STK38: variants seen among roughly 807,000 people sequenced by gnomAD.
The protein encoded by STK38 is serine/threonine-protein kinase 38.
In STK38, 26 loss-of-function variants were observed where a neutral mutation model predicts 59.0. The observed-to-expected ratio is 0.44, with a 90% CI of 0.32 to 0.61. The LOEUF (loss-of-function observed/expected upper bound fraction) is 0.61. STK38 is among the 20% of genes least tolerant of loss of function. The pLI is 0.04. For missense variants in STK38, 433 were observed against 566.0 expected (o/e 0.76, Z 2.38); for synonymous variants, 175 against 176.6 (o/e 0.99, Z 0.07).
intron 2 of STK38, among the ~76,000 whole-genome samples, chr6:36,539,317 C>G (rs1046067744): frequency 2.7e-5 from 4 of 150,728 alleles, no homozygotes; most frequent in African/African-American, 7.3e-5. Flanking sequence ...ACCCAGGAGG[C>G]AGAGGCTGCA....
intron 2 of STK38, among the ~76,000 whole-genome samples, chr6:36,529,845 T>C (rs1777624155): frequency 6.6e-6 from 1 of 152,184 alleles, no homozygotes; most frequent in Non-Finnish European, 1.5e-5. Flanking sequence ...TGGCATAGCC[T>C]GATTTGGAGG....
chr6:36,531,996 T>A (rs1306426388), intron 2 of STK38, among the ~76,000 whole-genome samples: 2 of 152,136 alleles, frequency 1.3e-5, no homozygotes, highest in Non-Finnish European at 2.9e-5. Flanking sequence ...AAAATGAAAA[T>A]TTGTATTACA....
Position 36,497,843 on chromosome 6 carries a change from G to T in STK38, c.1109C>A (p.Ala370Asp), listed in dbSNP as rs752951597. ...ACTTTTTATTTCCTCAACTCCAGGAGCTCCAATTCTATGTTCCCATTCACA... is the reference window on the plus strand; with the variant it reads ...ACTTTTTATTTCCTCAACTCCAGGATCTCCAATTCTATGTTCCCATTCACA... ...FCCEWEHRIG[A>D]PGVEEIKSNS... The change falls in exon 12 of 14, where the codon GCT (alanine) becomes GAT (aspartate). Residue 370 changes from alanine to aspartate, a missense_variant. This residue lies in a region of STK38 where 136 missense variants were observed against 156.7 expected (regional missense o/e 0.87). Transcript: ENST00000229812. The T allele has an allele frequency of 2.4e-5, 38 of 1,613,646 alleles. No homozygotes were observed. Among genetic ancestry groups the T allele is most frequent in the Non-Finnish European group, 3.2e-5 (38 of 1,179,970 alleles).
Position 36,497,987 on chromosome 6 carries a change from T to C in STK38, c.1077-112A>G, listed in dbSNP as rs1219008310. The C allele has an allele frequency of 4.2e-6, 3 of 713,724 alleles. No individual in the cohort carries two copies. In the South Asian group the frequency reaches 5.7e-5, roughly 14 times the overall value. 44.2% of individuals were successfully genotyped at this position (713,724 alleles called of 1,614,324 possible). ...CAGCATCTCACTCTGTCACCCAGGC[T>C]GGAGTGCAGTAGCACAATCATGGCT... On this transcript the variant is annotated intron_variant, in intron 11 of 13. Coordinates refer to ENST00000229812, the MANE Select transcript of STK38 (RefSeq NM_007271.4).
intron 2 of STK38, among the ~76,000 whole-genome samples, chr6:36,528,153 A>G (rs1402851395): frequency 6.6e-6 from 1 of 152,058 alleles, no homozygotes; most frequent in Non-Finnish European, 1.5e-5. Flanking sequence ...AATAGCATGT[A>G]GTCCATTGTG....
At chr6:36,529,446 T>C (rs1370864858) in intron 2 of STK38, among the ~76,000 whole-genome samples, 3 of 152,198 alleles carry the variant, frequency 2.0e-5, no homozygotes, top group Non-Finnish European at 4.4e-5. Context: ...TGTTCTCTGG[T>C]AGCAGTGCCA....
At chr6:36,530,655 C>A (rs978740113) in intron 2 of STK38, among the ~76,000 whole-genome samples, 2 of 150,700 alleles carry the variant, frequency 1.3e-5, no homozygotes, top group African/African-American at 4.9e-5. Flanking sequence ...GCGTGAGCCA[C>A]CACACCCGGC....
intron 6 of STK38, among the ~76,000 whole-genome samples, chr6:36,515,849 T>C (rs1326743278): frequency 2.0e-5 from 3 of 152,236 alleles, no homozygotes; most frequent in Non-Finnish European, 4.4e-5. Flanking sequence ...TGAACAAGTA[T>C]CTGCAAGCTT....
intron 10 of STK38, among the ~76,000 whole-genome samples, chr6:36,499,429 C>G (rs2127466512): frequency 6.6e-6 from 1 of 152,216 alleles, no homozygotes; most frequent in Middle Eastern, 3.4e-3. Context: ...TATGACCACC[C>G]CCACAGATGC....
chr6:36,527,207 A>AAAAAAATAT (rs60162863), intron 2 of STK38, among the ~76,000 whole-genome samples: 5 of 119,356 alleles, frequency 4.2e-5, no homozygotes, highest in African/African-American at 1.4e-4. Context: ...AAAAAAAAAA[A>AAAAAAATAT]ATATATGTAT....
chr6:36,523,622 G>A (rs1777436583), intron 4 of STK38, among the ~76,000 whole-genome samples: 1 of 152,122 alleles, frequency 6.6e-6, no homozygotes, highest in Admixed American at 6.5e-5. Context: ...GCGTCAGTAG[G>A]TCATCCAGTT....
chr6:36,530,830 C>A (rs1777651355), intron 2 of STK38, among the ~76,000 whole-genome samples: 1 of 151,768 alleles, frequency 6.6e-6, no homozygotes, highest in Admixed American at 6.6e-5. Context: ...GCTGGGATTA[C>A]CGGCATATGC....
At chr6:36,498,582 C>CTTTTTTT (rs1219622406) in intron 10 of STK38, 96 bp from the exon 11 acceptor site, 8 of 1,039,272 alleles carry the variant, frequency 7.7e-6, no homozygotes, top group South Asian at 3.7e-5. Flanking sequence ...CTTTTTTTTT[C>CTTTTTTT]TTTTTTCTTT....
chr6:36,540,076 T>C lies in STK38; in HGVS notation c.127A>G (p.Met43Val), dbSNP rs1170919183. The C allele has an allele frequency of 1.2e-6, 2 of 1,613,774 alleles. No homozygotes were observed. Among genetic ancestry groups the C allele is most frequent in the Admixed American group, 3.3e-5 (2 of 59,978 alleles). Residue 43 changes from methionine (M) to valine (V), a missense_variant, in exon 2 of 14, where the codon ATG becomes GTG. Physicochemically the swap from Met to Val is conservative, Grantham distance 21 (BLOSUM62 1). Transcript: ENST00000229812. The part of the protein sequence containing the change: ...NLIAQHEERE[M>V]RQKKLEKVME... ...TTTTCAAACAAAATTCTTTACCTCA[T>C]TTCTCGTTCTTCATGTTGAGCGATA...
intron 2 of STK38, among the ~76,000 whole-genome samples, chr6:36,538,698 C>A (rs879851824): frequency 2.0e-5 from 3 of 152,058 alleles, no homozygotes; most frequent in Non-Finnish European, 2.9e-5. Context: ...TCAAGACCAT[C>A]CTGGCCAACA....
intron 4 of STK38, among the ~76,000 whole-genome samples, chr6:36,523,743 T>C (rs1208016704): frequency 6.6e-6 from 1 of 152,206 alleles, no homozygotes; most frequent in Non-Finnish European, 1.5e-5. Context: ...GGGGACAAAG[T>C]CGCAAATGCT....
intron 2 of STK38, among the ~76,000 whole-genome samples, chr6:36,527,207 A>AAATATATATAT (rs60162863): frequency 1.6e-4 from 19 of 119,344 alleles, no homozygotes; most frequent in East Asian, 1.2e-3. Context: ...AAAAAAAAAA[A>AAATATATATAT]ATATATGTAT....
chr6:36,521,952 A>T (rs1777387127), intron 4 of STK38, 135 bp from the exon 5 acceptor site: 1 of 638,700 alleles, frequency 1.6e-6, no homozygotes, highest in Non-Finnish European at 2.6e-6. Context: ...AACAAAGCAG[A>T]AGAAAATGCT....
chr6:36,542,562 T>G (rs1214777232), intron 1 of STK38, among the ~76,000 whole-genome samples: 1 of 152,194 alleles, frequency 6.6e-6, no homozygotes, highest in African/African-American at 2.4e-5. Context: ...GCAGAATTGC[T>G]TGAATTGGGA....
Sources: gnomAD v4.1 joint callset for allele counts (sites outside exome capture counted in the v4.1 genomes callset) on GRCh38, gnomAD v4.1.1 for gene constraint, gnomAD v4.1.1 regional missense constraint, MANE v1.5 for transcripts, NCBI Gene and HGNC (gene_info 2026-07-23, HGNC 2026-07-21) for gene names.